Variants in NRXN3 observed in about 807,000 individuals in gnomAD.
NRXN3 encodes the protein neurexin 3.
NRXN3 carries 32 observed loss-of-function variants against 137.6 expected under a neutral mutation model. The ratio of observed to expected loss-of-function variants is 0.23; its 90% confidence interval spans 0.18 to 0.31. NRXN3 has a LOEUF of 0.31. NRXN3 is among the 10% of genes least tolerant of loss of function. The pLI, the probability that NRXN3 is intolerant of heterozygous loss-of-function variation, is 1.00. For synonymous variants in NRXN3, 798 were observed against 784.5 expected, an observed-to-expected ratio of 1.02 and a Z score of -0.29; for missense variants, 1,574 against 2,062.5, an observed-to-expected ratio of 0.76 and a Z score of 4.59.
rs984867827 is a variant in NRXN3, at chr14:79,619,633, T to G, written c.3445-44145T>G. 4.6e-5 allele frequency among the ~76,000 whole-genome samples: 7 copies of G among 152,198 alleles called. No homozygotes were observed. In the South Asian group the frequency reaches 1.2e-3, roughly 27 times the overall value. On this transcript the variant is annotated intron_variant, in intron 16 of 20. Coordinates refer to ENST00000335750, the MANE Select transcript of NRXN3 (RefSeq NM_001330195.2). ...AAAGTCCTAACAATCAGAATTTGTG[T>G]CTTCTCATATGATTTTTACTCAGAA...
intron 1 of NRXN3, among the ~76,000 whole-genome samples, chr14:78,192,107 T>TGTGTGTGTGTGTGA (rs796435942): frequency 1.4e-5 from 2 of 140,426 alleles, no homozygotes; most frequent in South Asian, 2.4e-4. Context: ...TGTGTGTGTG[T>TGTGTGTGTGTGTGA]GAGAGAGAGA....
intron 2 of NRXN3, among the ~76,000 whole-genome samples, chr14:78,275,161 C>A (rs1031045966): frequency 6.6e-6 from 1 of 152,194 alleles, no homozygotes; most frequent in African/African-American, 2.4e-5. Context: ...TGGGGATACT[C>A]TGCTGGCACT....
At chr14:79,376,965 T>C (rs964050832) in intron 15 of NRXN3, among the ~76,000 whole-genome samples, 2 of 152,228 alleles carry the variant, frequency 1.3e-5, no homozygotes, top group Non-Finnish European at 2.9e-5. Flanking sequence ...TCTTTAATAC[T>C]GAGCTATCAA....
At chr14:78,523,643 CAAAAAAAAAAAA>C (rs3036598) in intron 4 of NRXN3, among the ~76,000 whole-genome samples, 5 of 77,730 alleles carry the variant, frequency 6.4e-5, no homozygotes, top group African/African-American at 1.1e-4. Context: ...ACTACAAATA[CAAAAAAAAAAAA>C]AAAAAAAAAA....
At chr14:78,410,984 T>C (rs2092793199) in intron 4 of NRXN3, among the ~76,000 whole-genome samples, 1 of 152,176 alleles carries the variant, frequency 6.6e-6, no homozygotes, top group African/African-American at 2.4e-5. Flanking sequence ...CCTTGGATAA[T>C]TCACTTAATC....
At chr14:78,689,824 TTC>T (rs143870046) in intron 6 of NRXN3, among the ~76,000 whole-genome samples, 357 of 145,892 alleles carry the variant, frequency 2.4e-3, no homozygotes, top group African/African-American at 5.9e-3. Context: ...CTCACTCTCT[TTC>T]TCTCTCTCTC....
intron 15 of NRXN3, chr14:79,280,734 C>A: frequency 1.7e-6 from 1 of 590,966 alleles, no homozygotes; most frequent in South Asian, 2.0e-5. Flanking sequence ...TAGCCTCCGA[C>A]AACCATCTCC....
intron 10 of NRXN3, among the ~76,000 whole-genome samples, chr14:78,860,512 G>A (rs1336662208): frequency 6.6e-6 from 1 of 152,020 alleles, no homozygotes; most frequent in African/African-American, 2.4e-5. Flanking sequence ...TAAATTTCAG[G>A]GGTTGGAATT....
chr14:79,378,583 T>C (rs1465206863), intron 15 of NRXN3, among the ~76,000 whole-genome samples: 2 of 152,226 alleles, frequency 1.3e-5, no homozygotes, highest in Non-Finnish European at 2.9e-5. Flanking sequence ...AGCTCTATTA[T>C]GGTGCATACC....
intron 1 of NRXN3, among the ~76,000 whole-genome samples, chr14:78,210,107 G>T (rs72683784): frequency 6.6e-6 from 1 of 152,300 alleles, no homozygotes; most frequent in East Asian, 1.9e-4. Context: ...GTCTTAGTCC[G>T]TTCAGGCTGC....
intron 14 of NRXN3, among the ~76,000 whole-genome samples, chr14:78,986,334 G>A (rs2099504470): frequency 6.6e-6 from 1 of 152,122 alleles, no homozygotes; most frequent in South Asian, 2.1e-4. Context: ...TGAATATTAA[G>A]ATATTTCCTG....
intron 1 of NRXN3, among the ~76,000 whole-genome samples, chr14:78,192,988 G>T (rs982220050): frequency 6.6e-6 from 1 of 152,198 alleles, no homozygotes; most frequent in South Asian, 2.1e-4. Flanking sequence ...CAAGCTGAGA[G>T]AAAGTTTAGA....
chr14:79,618,403 C>A (rs1450998406), intron 16 of NRXN3, among the ~76,000 whole-genome samples: 2 of 152,006 alleles, frequency 1.3e-5, no homozygotes, highest in Non-Finnish European at 2.9e-5. Flanking sequence ...CATGAGTACT[C>A]ATAGTTTAGC....
chr14:79,280,874 A>T, intron 15 of NRXN3: 1 of 259,346 alleles, frequency 3.9e-6, no homozygotes, highest in East Asian at 9.1e-5. Flanking sequence ...GGTGAGTCCC[A>T]GTGCTGTACT....
intron 5 of NRXN3, among the ~76,000 whole-genome samples, chr14:78,646,095 A>G (rs759930576): frequency 1.3e-5 from 2 of 151,968 alleles, no homozygotes; most frequent in African/African-American, 2.4e-5. Context: ...GAAGGACCCA[A>G]ATAAAAAAGT....
rs142062328 is a variant in NRXN3, at chr14:78,843,218, A to C, written c.2275+32874A>C. On this transcript the variant is annotated intron_variant, in intron 10 of 20. Transcript: ENST00000335750. ...TAATTTGGGGAACTAATAAATGTCC[A>C]TGAAATCTTCACAATCCACATTCTT... Among the ~76,000 whole-genome samples the C allele has an allele frequency of 2.2e-3, 328 of 152,290 alleles. 1 individual carries two copies. Among genetic ancestry groups the C allele is most frequent in the Non-Finnish European group, 3.6e-3 (243 of 68,008 alleles).
At chr14:78,742,606 T>C (rs1337687291) in intron 8 of NRXN3, among the ~76,000 whole-genome samples, 1 of 152,200 alleles carries the variant, frequency 6.6e-6, no homozygotes, top group African/African-American at 2.4e-5. Context: ...TGACCAGATT[T>C]TCTGTCTGGG....
chr14:78,272,857 A>C (rs967138447), intron 2 of NRXN3, among the ~76,000 whole-genome samples: 1 of 152,190 alleles, frequency 6.6e-6, no homozygotes, highest in Admixed American at 6.5e-5. Flanking sequence ...ATGAAGATTA[A>C]ATAAGATGAT....
intron 4 of NRXN3, among the ~76,000 whole-genome samples, chr14:78,367,958 A>T (rs1396403006): frequency 3.3e-5 from 5 of 152,182 alleles, no homozygotes; most frequent in Non-Finnish European, 5.9e-5. Context: ...AGTCTGGGGG[A>T]TGCCTTTAAA....
Sources: gnomAD v4.1 joint callset for allele counts (sites outside exome capture counted in the v4.1 genomes callset) on GRCh38, gnomAD v4.1.1 for gene constraint, MANE v1.5 for transcripts, NCBI Gene and HGNC (gene_info 2026-07-23, HGNC 2026-07-21) for gene names.